Variants in HS6ST3 observed in about 807,000 individuals in gnomAD.
HS6ST3 encodes the protein heparan-sulfate 6-O-sulfotransferase 3.
Under a neutral mutation model 36.7 loss-of-function variants are expected in HS6ST3, and 12 were observed. That is an observed-to-expected ratio of 0.33 (90% CI 0.21 to 0.53). The LOEUF (loss-of-function observed/expected upper bound fraction) is 0.53. Ranked by LOEUF, HS6ST3 falls within the 20% of genes least tolerant of loss-of-function variation. The pLI, the probability that HS6ST3 is intolerant of heterozygous loss-of-function variation, is 0.95. For synonymous variants in HS6ST3, 240 were observed against 257.5 expected (o/e 0.93, Z 0.65); for missense variants, 584 against 640.9 (o/e 0.91, Z 0.96).
chr13:96,295,868 G>A (rs2054852631), intron 1 of HS6ST3, among the ~76,000 whole-genome samples: 2 of 151,962 alleles, frequency 1.3e-5, no homozygotes, highest in South Asian at 4.2e-4. Context: ...ACATAGGAGG[G>A]GCATTGGTTT....
intron 1 of HS6ST3, among the ~76,000 whole-genome samples, chr13:96,092,784 A>G (rs2053771175): frequency 6.6e-6 from 1 of 152,100 alleles, no homozygotes; most frequent in Admixed American, 6.6e-5. Flanking sequence ...AATGAGCAAA[A>G]TTTCATTATG....
intron 1 of HS6ST3, among the ~76,000 whole-genome samples, chr13:96,325,038 T>G (rs181664204): frequency 1.3e-5 from 2 of 152,328 alleles, no homozygotes; most frequent in Admixed American, 6.5e-5. Flanking sequence ...TTTAATTATC[T>G]AGAAAAAGTT....
intron 1 of HS6ST3, among the ~76,000 whole-genome samples, chr13:96,409,974 G>T (rs946376159): frequency 2.0e-5 from 3 of 152,152 alleles, no homozygotes; most frequent in Non-Finnish European, 2.9e-5. Flanking sequence ...CAGTATGCCA[G>T]TATAAATGCC....
intron 1 of HS6ST3, among the ~76,000 whole-genome samples, chr13:96,662,154 G>C (rs907750385): frequency 6.6e-6 from 1 of 152,088 alleles, no homozygotes; most frequent in Non-Finnish European, 1.5e-5. Flanking sequence ...AGCAAGCCTA[G>C]GGACATTTTC....
chr13:96,407,286 C>T (rs1033674656), intron 1 of HS6ST3, among the ~76,000 whole-genome samples: 5 of 152,142 alleles, frequency 3.3e-5, no homozygotes, highest in Non-Finnish European at 4.4e-5. Context: ...ATTCTTACAT[C>T]CTTATATAGT....
chr13:96,418,369 A>G (rs2055545299), intron 1 of HS6ST3, among the ~76,000 whole-genome samples: 1 of 152,182 alleles, frequency 6.6e-6, no homozygotes, highest in African/African-American at 2.4e-5. Flanking sequence ...CAAGTAGGCG[A>G]TTTTGCAGAT....
chr13:96,683,381 C>T (rs955795198), intron 1 of HS6ST3, among the ~76,000 whole-genome samples: 2 of 152,070 alleles, frequency 1.3e-5, no homozygotes, highest in African/African-American at 4.8e-5. Context: ...CCTTGATGTG[C>T]CTTAGCAGAA....
chr13:96,131,063 G>A (rs1448171377), intron 1 of HS6ST3, among the ~76,000 whole-genome samples: 4 of 152,150 alleles, frequency 2.6e-5, no homozygotes, highest in Non-Finnish European at 5.9e-5. Context: ...GACTGCCATG[G>A]CAAGTGTACT....
At chr13:96,593,034 T>A (rs568605838) in intron 1 of HS6ST3, among the ~76,000 whole-genome samples, 1 of 152,178 alleles carries the variant, frequency 6.6e-6, no homozygotes, top group South Asian at 2.1e-4. Context: ...TTACCCCTAC[T>A]TCTTTCTCTA....
intron 1 of HS6ST3, among the ~76,000 whole-genome samples, chr13:96,272,316 A>G (rs1349884930): frequency 6.6e-6 from 1 of 152,048 alleles, no homozygotes; most frequent in Non-Finnish European, 1.5e-5. Flanking sequence ...CTGAAATATA[A>G]CACTAATAAC....
At chr13:96,132,990 A>G (rs2053983620) in intron 1 of HS6ST3, among the ~76,000 whole-genome samples, 2 of 151,872 alleles carry the variant, frequency 1.3e-5, no homozygotes, top group African/African-American at 2.4e-5. Flanking sequence ...TTTTCTTGCT[A>G]TTGAATCTTT....
chr13:96,461,589 T>G (rs1029208090), intron 1 of HS6ST3, among the ~76,000 whole-genome samples: 1 of 152,186 alleles, frequency 6.6e-6, no homozygotes, highest in Non-Finnish European at 1.5e-5. Context: ...TAAACTGCAT[T>G]GCTGAACTAA....
At chr13:96,440,654 G>A (rs2055666364) in intron 1 of HS6ST3, among the ~76,000 whole-genome samples, 1 of 152,100 alleles carries the variant, frequency 6.6e-6, no homozygotes, top group East Asian at 1.9e-4. Context: ...GAAGGGGAGG[G>A]GGGCTATGCA....
chr13:96,377,703 G>T (rs1326487388), intron 1 of HS6ST3, among the ~76,000 whole-genome samples: 1 of 152,150 alleles, frequency 6.6e-6, no homozygotes, highest in Non-Finnish European at 1.5e-5. Flanking sequence ...GTTTCCATTT[G>T]ACGTGGCCCT....
At chr13:96,680,020 C>A (rs1487157469) in intron 1 of HS6ST3, among the ~76,000 whole-genome samples, 4 of 152,044 alleles carry the variant, frequency 2.6e-5, no homozygotes, top group Admixed American at 6.6e-5. Context: ...AAGTGGAAGG[C>A]CACTCTGGGA....
intron 1 of HS6ST3, among the ~76,000 whole-genome samples, chr13:96,575,632 G>C (rs990546678): frequency 7.2e-5 from 11 of 152,202 alleles, no homozygotes; most frequent in Admixed American, 7.2e-4. Flanking sequence ...TTGCCTAACA[G>C]GTTTGGAATC....
chr13:96,214,061 G>A (rs1213849973), intron 1 of HS6ST3, among the ~76,000 whole-genome samples: 1 of 152,156 alleles, frequency 6.6e-6, no homozygotes, highest in African/African-American at 2.4e-5. Context: ...CCAGGAAGGA[G>A]TTACTAACTT....
intron 1 of HS6ST3, among the ~76,000 whole-genome samples, chr13:96,274,010 C>CTCTCTT (rs1339033237): frequency 7.3e-6 from 1 of 137,732 alleles, no homozygotes; most frequent in Non-Finnish European, 1.5e-5. Flanking sequence ...CCTTCTCTCT[C>CTCTCTT]TCTCTTTCTC....
intron 1 of HS6ST3, among the ~76,000 whole-genome samples, chr13:96,660,089 A>G (rs1442131568): frequency 6.6e-6 from 1 of 152,110 alleles, no homozygotes. Context: ...ATGCACCCTC[A>G]TTTCAAACCA....
Sources: allele counts gnomAD v4.1 joint callset (sites outside exome capture counted in the v4.1 genomes callset), GRCh38; gene constraint gnomAD v4.1.1; transcripts MANE v1.5; gene names NCBI Gene and HGNC (gene_info 2026-07-23, HGNC 2026-07-21).